The following ZNF131 variants were observed in gnomAD, a reference collection of about 807,000 sequenced individuals.
The protein encoded by ZNF131 is zinc finger and BTB domain containing 35.
A neutral mutation model predicts 60.0 loss-of-function variants in ZNF131; 7 were observed. That is an observed-to-expected ratio of 0.12 (90% CI 0.07 to 0.22). The LOEUF is 0.22. Among genes scored for constraint, ZNF131 ranks in the 10% least tolerant of loss-of-function variants. The pLI is 1.00. For missense variants in ZNF131, 493 were observed against 740.9 expected, an observed-to-expected ratio of 0.67 and a Z score of 3.88; for synonymous variants, 257 against 253.2, an observed-to-expected ratio of 1.01 and a Z score of -0.14.
rs35596507 is a variant in ZNF131, at chr5:43,153,463, T to TAAAAA, written c.372-7764_372-7760dup. Among the ~76,000 whole-genome samples, 111 of 61,166 alleles carry TAAAAA rather than the reference T, an allele frequency of 1.8e-3. 1 individual carries two copies. The highest frequency in any genetic ancestry group is 6.9e-3 in the East Asian group (10 of 1,440). The allele number at this position is 61,166 out of a possible 152,430, so 40.1% of individuals were successfully genotyped here. A position where few individuals can be genotyped will look rare whatever the true frequency, so the allele number is the denominator to read the frequency against. On this transcript the variant is annotated intron_variant, in intron 4 of 6. Transcript: ENST00000682664. ...CAACATGGTGAACTCCCATCTCTACTAAAAAAAAAAAAAAAAAAAAAAAAA... is the reference window on the plus strand; with the variant it reads ...CAACATGGTGAACTCCCATCTCTACTAAAAAAAAAAAAAAAAAAAAAAAAAAAAAA...
intron 4 of ZNF131, among the ~76,000 whole-genome samples, chr5:43,144,537 G>A (rs962784850): frequency 7.9e-5 from 12 of 151,982 alleles, no homozygotes; most frequent in African/African-American, 2.2e-4. Context: ...GTCTGTCAGA[G>A]CTTTTTAAAG....
intron 4 of ZNF131, among the ~76,000 whole-genome samples, chr5:43,158,384 G>T (rs1488131963): frequency 6.6e-6 from 1 of 152,106 alleles, no homozygotes; most frequent in African/African-American, 2.4e-5. Flanking sequence ...CCACCTCCTG[G>T]GTTCAAGTGA....
chr5:43,161,975 A>T (rs1178199603), intron 5 of ZNF131, 44 bp downstream of exon 5: 1 of 1,506,328 alleles, frequency 6.6e-7, no homozygotes, highest in Non-Finnish European at 8.9e-7. Context: ...TCCCACATGC[A>T]CTTCAAATTT....
At chr5:43,130,793 CG>C (rs1745243891) in intron 3 of ZNF131, among the ~76,000 whole-genome samples, 1 of 151,354 alleles carries the variant, frequency 6.6e-6, no homozygotes, top group Admixed American at 6.6e-5. Context: ...CTCGAACTCC[CG>C]ATCTCAGATG....
chr5:43,162,408 A>G (rs371917562), intron 5 of ZNF131, among the ~76,000 whole-genome samples: 1 of 151,312 alleles, frequency 6.6e-6, no homozygotes, highest in Admixed American at 6.6e-5. Context: ...CCTGGCCAAC[A>G]TGGTGAAACC....
At chr5:43,154,017 G>A (rs1388150208) in intron 4 of ZNF131, among the ~76,000 whole-genome samples, 1 of 152,172 alleles carries the variant, frequency 6.6e-6, no homozygotes, top group Non-Finnish European at 1.5e-5. Context: ...ACTGCAGATG[G>A]TATAGAAAGG....
At chr5:43,162,339 C>T (rs902705407) in intron 5 of ZNF131, among the ~76,000 whole-genome samples, 10 of 152,086 alleles carry the variant, frequency 6.6e-5, no homozygotes, top group African/African-American at 2.2e-4. Flanking sequence ...TGCCTGTAAT[C>T]CCAGCACTTT....
chr5:43,132,890 C>A (rs926851900), intron 3 of ZNF131, among the ~76,000 whole-genome samples: 39 of 152,166 alleles, frequency 2.6e-4, no homozygotes, highest in African/African-American at 2.4e-5. Flanking sequence ...TTACTGCTGT[C>A]CTGAAGGCCG....
chr5:43,137,053 GAAAA>G (rs1416689189), intron 3 of ZNF131, among the ~76,000 whole-genome samples: 1 of 151,880 alleles, frequency 6.6e-6, no homozygotes, highest in Non-Finnish European at 1.5e-5. Context: ...CCATAAAAAA[GAAAA>G]AAACTCAAAA....
At chr5:43,123,407 A>G (rs1230511914) in intron 3 of ZNF131, 97 bp downstream of exon 3, 3 of 1,056,218 alleles carry the variant, frequency 2.8e-6, no homozygotes, top group Non-Finnish European at 4.1e-6. Flanking sequence ...CAATTGGTGA[A>G]GCAGTTTTAG....
chr5:43,152,438 C>T (rs566812250), intron 4 of ZNF131, among the ~76,000 whole-genome samples: 4 of 152,292 alleles, frequency 2.6e-5, no homozygotes, highest in South Asian at 4.1e-4. Context: ...GAGTCATCCC[C>T]AGCTGTTTTT....
intron 3 of ZNF131, among the ~76,000 whole-genome samples, chr5:43,132,065 TAGTA>T (rs1357368487): frequency 6.6e-6 from 1 of 152,210 alleles, no homozygotes; most frequent in Non-Finnish European, 1.5e-5. Context: ...TATATGTATA[TAGTA>T]AGTGTTACGT....
chr5:43,127,332 A>G (rs904304696), intron 3 of ZNF131, among the ~76,000 whole-genome samples: 2 of 152,310 alleles, frequency 1.3e-5, no homozygotes. Flanking sequence ...CCAGAAAACT[A>G]TATTTAAAAG....
intron 4 of ZNF131, among the ~76,000 whole-genome samples, 197 bp from the exon 5 acceptor site, chr5:43,161,052 A>G (rs939565530): frequency 2.6e-5 from 4 of 152,062 alleles, no homozygotes; most frequent in Admixed American, 6.6e-5. Context: ...TATTCCATTA[A>G]TCTTCGTGTC....
At chr5:43,173,182 T>A in intron 5 of ZNF131, 136 bp from the exon 6 acceptor site, 1 of 961,454 alleles carries the variant, frequency 1.0e-6, no homozygotes, top group Non-Finnish European at 1.5e-6. Flanking sequence ...GTGAAAATAT[T>A]TGAATTCTGA....
At chr5:43,166,658 C>A (rs1303745337) in intron 5 of ZNF131, among the ~76,000 whole-genome samples, 3 of 149,458 alleles carry the variant, frequency 2.0e-5, no homozygotes, top group Non-Finnish European at 4.4e-5. Context: ...CATGCCCAGC[C>A]GTGACCCTTT....
chr5:43,175,422 T>C lies in ZNF131; in HGVS notation c.*289T>C, dbSNP rs567849739. On this transcript the variant is annotated 3_prime_UTR_variant, in exon 7 of 7. Transcript: ENST00000682664. ...TTGGGTACGAATGTATCTATTTTCA[T>C]TGTGGTAAAAGTTCTTCCTTTTCTC... is the stretch of plus-strand genomic sequence containing the variant. 2 of 696,018 alleles carry C rather than the reference T, an allele frequency of 2.9e-6. No homozygotes were observed. Among genetic ancestry groups the C allele is most frequent in the African/African-American group, 1.8e-5 (1 of 56,874 alleles). 43.1% of individuals were successfully genotyped at this position (696,018 alleles called of 1,614,324 possible). A position where few individuals can be genotyped will look rare whatever the true frequency, so the allele number is the denominator to read the frequency against.
intron 5 of ZNF131, among the ~76,000 whole-genome samples, chr5:43,172,633 C>A (rs1008936662): frequency 2.1e-4 from 30 of 145,094 alleles, no homozygotes; most frequent in African/African-American, 6.2e-4. Flanking sequence ...AAAAAAAAAA[C>A]CCTAATTTAT....
intron 4 of ZNF131, among the ~76,000 whole-genome samples, chr5:43,155,346 T>C (rs1421632397): frequency 6.6e-6 from 1 of 152,116 alleles, no homozygotes; most frequent in African/African-American, 2.4e-5. Context: ...TAGTTAGGGA[T>C]CAGTTTCAAC....
Sources: allele counts gnomAD v4.1 joint callset (sites outside exome capture counted in the v4.1 genomes callset), GRCh38; gene constraint gnomAD v4.1.1; transcripts MANE v1.5; gene names NCBI Gene and HGNC (gene_info 2026-07-23, HGNC 2026-07-21).